Variants in PATJ observed in about 807,000 individuals in gnomAD.
PATJ encodes the protein PATJ crumbs cell polarity complex component.
Under a neutral mutation model 224.9 loss-of-function variants are expected in PATJ, and 190 were observed. The observed-to-expected ratio is 0.84, with a 90% confidence interval of 0.75 to 0.95. PATJ has a LOEUF of 0.95. PATJ is among the 40% of genes least tolerant of loss of function. The probability of loss-of-function intolerance (pLI) is 0.00; values close to 1 mark genes in which losing one functional copy is unlikely to be tolerated. For synonymous variants in PATJ, 769 were observed against 820.3 expected, an observed-to-expected ratio of 0.94 and a Z score of 1.07; for missense variants, 2,121 against 2,270.3, an observed-to-expected ratio of 0.93 and a Z score of 1.34.
chr1:61,838,742 T>C (rs1660619024), intron 17 of PATJ, among the ~76,000 whole-genome samples: 1 of 152,114 alleles, frequency 6.6e-6, no homozygotes, highest in Non-Finnish European at 1.5e-5. Flanking sequence ...TGTAATTTCT[T>C]GCCAGTTTGT....
chr1:61,932,570 TTGA>T (rs1487819531), intron 27 of PATJ, among the ~76,000 whole-genome samples: 1 of 152,006 alleles, frequency 6.6e-6, no homozygotes, highest in African/African-American at 2.4e-5. Flanking sequence ...TAACAAGAAA[TTGA>T]TGAGGAAGAA....
intron 27 of PATJ, among the ~76,000 whole-genome samples, chr1:61,950,916 G>A (rs1250598323): frequency 6.6e-6 from 1 of 152,158 alleles, no homozygotes; most frequent in Non-Finnish European, 1.5e-5. Context: ...GGAGGCCCAG[G>A]CGGGCGGATC....
In PATJ at chr1:62,098,141, C is replaced by T. The variant is rs539225164; in HGVS notation, c.4378-10296C>T. ...TTAGGAGGCCGAGGCAGGTGGATCA[C>T]GAGGTCAGGAGATAGAGACCATCCT... On this transcript the variant is annotated intron_variant, in intron 33 of 43. Coordinates refer to ENST00000642238, the MANE Select transcript of PATJ (RefSeq NM_001350145.3). 2.1e-4 allele frequency among the ~76,000 whole-genome samples: 32 copies of T among 152,056 alleles called. No homozygotes were observed. In the East Asian group the frequency reaches 4.1e-3, roughly 19 times the overall value.
At chr1:61,796,724 T>TTCTTTCTTTCTC (rs1223383945) in intron 10 of PATJ, among the ~76,000 whole-genome samples, 6 of 52,746 alleles carry the variant, frequency 1.1e-4, no homozygotes, top group African/African-American at 4.0e-4. Context: ...CTTTCTTTCT[T>TTCTTTCTTTCTC]TTTCTTTCTT....
chr1:62,122,386 C>CCA (rs1184905905), intron 38 of PATJ, among the ~76,000 whole-genome samples: 32 of 135,316 alleles, frequency 2.4e-4, no homozygotes, highest in African/African-American at 3.5e-4. Context: ...AAAAAAAAAA[C>CCA]CACACACACA....
chr1:61,922,960 C>A (rs1674549185), intron 26 of PATJ, among the ~76,000 whole-genome samples: 1 of 152,202 alleles, frequency 6.6e-6, no homozygotes, highest in Non-Finnish European at 1.5e-5. Flanking sequence ...ATAATGTAAT[C>A]AATTCAGGAA....
intron 6 of PATJ, 25 bp from the exon 7 acceptor site, chr1:61,775,181 A>C: frequency 6.3e-7 from 1 of 1,597,406 alleles, no homozygotes; most frequent in Non-Finnish European, 8.5e-7. Context: ...TGATACTGCG[A>C]CTCTTATTTG....
rs756693199 is a variant in PATJ, at chr1:61,771,568, C to G, written c.662C>G (p.Pro221Arg). The change falls in exon 6 of 44, where the codon CCA becomes CGA. Residue 221 changes from proline to arginine, a missense_variant. By Grantham distance (103) the Pro-to-Arg change is moderately radical (BLOSUM62 -2). Coordinates refer to ENST00000642238, the MANE Select transcript of PATJ (RefSeq NM_001350145.3). ...GSLRLIVAREPVHTKSSTSSS... is the reference protein window; with the variant it reads ...GSLRLIVARERVHTKSSTSSS... ...TTGAGACTGATTGTGGCCAGGGAACCAGTCCACACAAAAAGCAGTACTTCT... is the reference window on the plus strand; with the variant it reads ...TTGAGACTGATTGTGGCCAGGGAACGAGTCCACACAAAAAGCAGTACTTCT... The G allele has an allele frequency of 6.2e-7, 1 of 1,611,830 alleles. No individual in the cohort carries two copies. The highest frequency in any genetic ancestry group is 1.1e-5 in the South Asian group (1 of 90,356).
intron 15 of PATJ, among the ~76,000 whole-genome samples, chr1:61,826,176 T>G (rs1338730587): frequency 1.3e-5 from 2 of 152,234 alleles, no homozygotes; most frequent in African/African-American, 4.8e-5. Context: ...GAGATATGTC[T>G]GACTTGATGG....
At chr1:61,882,628 C>T (rs1668256893) in intron 21 of PATJ, among the ~76,000 whole-genome samples, 1 of 152,106 alleles carries the variant, frequency 6.6e-6, no homozygotes, top group African/African-American at 2.4e-5. Context: ...CACTCTGTTG[C>T]CCAGGCTAGA....
intron 14 of PATJ, among the ~76,000 whole-genome samples, chr1:61,809,329 A>G (rs758657636): frequency 1.5e-4 from 23 of 152,016 alleles, no homozygotes; most frequent in Non-Finnish European, 2.4e-4. Context: ...TGCATGGGAT[A>G]TAAGTGCTGA....
At chr1:61,838,353 T>C (rs918304229) in intron 17 of PATJ, among the ~76,000 whole-genome samples, 7 of 151,546 alleles carry the variant, frequency 4.6e-5, no homozygotes, top group Admixed American at 3.3e-4. Flanking sequence ...GACTGAGTAC[T>C]CTGTTTCTTT....
At chr1:62,125,775 CT>C (rs35358680) in intron 39 of PATJ, among the ~76,000 whole-genome samples, 1,605 of 151,428 alleles carry the variant, frequency 0.011, 26 homozygotes, top group African/African-American at 0.037. Context: ...AAATTTCTTT[CT>C]TTTTTTTTCC....
chr1:62,010,962 C>A (rs1448360700), intron 28 of PATJ, among the ~76,000 whole-genome samples: 1 of 152,148 alleles, frequency 6.6e-6, no homozygotes, highest in South Asian at 2.1e-4. Flanking sequence ...CGCCTTAAAC[C>A]TCTGCTAGCT....
chr1:62,092,401 C>G lies in PATJ; in HGVS notation c.4377+7753C>G, dbSNP rs559134644. On this transcript the variant is annotated intron_variant, in intron 33 of 43. Transcript: ENST00000642238. ...CCTGTTAAAAAAAAAAAATGTGATT[C>G]AAGCACTATTCTCTTTTTAGATTTA... 5.3e-5 allele frequency among the ~76,000 whole-genome samples: 8 copies of G among 151,798 alleles called. No homozygotes were observed. In the South Asian group the frequency reaches 1.7e-3, roughly 32 times the overall value.
chr1:61,792,354 C>T (rs1271229045), intron 9 of PATJ, among the ~76,000 whole-genome samples: 2 of 152,012 alleles, frequency 1.3e-5, no homozygotes, highest in Non-Finnish European at 2.9e-5. Context: ...TGCAAAAAAC[C>T]ACATCAAGTA....
chr1:62,038,850 G>C, intron 30 of PATJ: 1 of 728,314 alleles, frequency 1.4e-6, no homozygotes, highest in Non-Finnish European at 2.5e-6. Flanking sequence ...GGATGGAGGC[G>C]ACCTTGGAGC....
At chr1:61,793,123 G>A (rs2148519581) in intron 9 of PATJ, among the ~76,000 whole-genome samples, 1 of 152,048 alleles carries the variant, frequency 6.6e-6, no homozygotes, top group Non-Finnish European at 1.5e-5. Flanking sequence ...CCCAGAGGTG[G>A]AGTGCAGTGG....
intron 27 of PATJ, among the ~76,000 whole-genome samples, chr1:61,959,074 G>A (rs997191321): frequency 1.1e-4 from 16 of 151,958 alleles, no homozygotes; most frequent in Non-Finnish European, 2.2e-4. Flanking sequence ...AGGAGGAGGA[G>A]GTTATCTTTA....
Sources: allele counts gnomAD v4.1 joint callset (sites outside exome capture counted in the v4.1 genomes callset), GRCh38; gene constraint gnomAD v4.1.1; transcripts MANE v1.5; gene names NCBI Gene and HGNC (gene_info 2026-07-23, HGNC 2026-07-21).